FAM171A1: variants seen among roughly 807,000 people sequenced by gnomAD.
FAM171A1 encodes family with sequence similarity 171 member A1.
A neutral mutation model predicts 74.9 loss-of-function variants in FAM171A1; 23 were observed. That is an observed-to-expected ratio of 0.31 (90% CI 0.22 to 0.44). The LOEUF is 0.44. FAM171A1 is among the 20% of genes least tolerant of loss of function. The pLI, the probability that FAM171A1 is intolerant of heterozygous loss-of-function variation, is 1.00. For synonymous variants in FAM171A1, 527 were observed against 505.7 expected (o/e 1.04, Z -0.57); for missense variants, 1,162 against 1,159.2 (o/e 1.00, Z -0.03).
At chr10:15,307,697 GT>G (rs1264679610) in intron 1 of FAM171A1, among the ~76,000 whole-genome samples, 1 of 146,280 alleles carries the variant, frequency 6.8e-6, no homozygotes, top group African/African-American at 2.5e-5. Flanking sequence ...TCTCAAAACA[GT>G]TCTACCACCA....
chr10:15,215,367 G>T lies in FAM171A1; in HGVS notation c.986+629C>A, dbSNP rs535088125. Among the ~76,000 whole-genome samples the T allele has an allele frequency of 3.3e-5, 5 of 151,856 alleles. No homozygotes were observed. In the South Asian group the frequency reaches 1.0e-3, roughly 32 times the overall value. On this transcript the variant is annotated intron_variant, in intron 7 of 7. Transcript: ENST00000378116. The stretch of plus-strand genomic sequence containing the variant: ...CTAAACAGACACGGCATCTAAATAA[G>T]AATAATTTTTTTTTTTGAGATGGAG...
At chr10:15,247,389 A>G (rs1473122555) in intron 5 of FAM171A1, among the ~76,000 whole-genome samples, 1 of 151,926 alleles carries the variant, frequency 6.6e-6, no homozygotes, top group Non-Finnish European at 1.5e-5. Flanking sequence ...CTCCCGCCTC[A>G]GCCTCCCAAA....
chr10:15,292,104 G>A (rs1182015856), intron 1 of FAM171A1, among the ~76,000 whole-genome samples: 9 of 152,080 alleles, frequency 5.9e-5, no homozygotes, highest in Non-Finnish European at 4.4e-5. Flanking sequence ...CCTTTTCACT[G>A]CATCCTCACG....
chr10:15,225,936 C>T (rs1486176681), intron 5 of FAM171A1, among the ~76,000 whole-genome samples: 2 of 152,222 alleles, frequency 1.3e-5, no homozygotes, highest in Admixed American at 1.3e-4. Context: ...TGACAGACAA[C>T]AGTCCCTAAT....
intron 1 of FAM171A1, among the ~76,000 whole-genome samples, chr10:15,320,314 G>A (rs1208998575): frequency 2.6e-5 from 4 of 152,168 alleles, no homozygotes; most frequent in Non-Finnish European, 4.4e-5. Context: ...TCTTTTTAAC[G>A]GCTGCATAGT....
At chr10:15,231,067 G>T (rs1269168696) in intron 5 of FAM171A1, among the ~76,000 whole-genome samples, 2 of 152,232 alleles carry the variant, frequency 1.3e-5, no homozygotes, top group Non-Finnish European at 2.9e-5. Flanking sequence ...GAGAATAACT[G>T]AGCGTTCTCA....
Position 15,333,749 on chromosome 10 carries a change from T to C in FAM171A1, c.97+37207A>G, listed in dbSNP as rs141253961. On this transcript the variant is annotated intron_variant, in intron 1 of 7. Coordinates refer to ENST00000378116, the MANE Select transcript of FAM171A1 (RefSeq NM_001010924.2). ...TACTCAGGGGACTGTCATGGGAAGA[T>C]TGCTTGAGGCTGGGAGGCAGAGGTT... Among the ~76,000 whole-genome samples, 567 of 150,556 alleles carry C rather than the reference T, an allele frequency of 3.8e-3. 1 individual carries two copies. Among genetic ancestry groups the C allele is most frequent in the African/African-American group, 0.013 (542 of 40,862 alleles).
At chr10:15,368,200 T>C (rs971737850) in intron 1 of FAM171A1, among the ~76,000 whole-genome samples, 1 of 152,254 alleles carries the variant, frequency 6.6e-6, no homozygotes, top group Non-Finnish European at 1.5e-5. Flanking sequence ...GACTGTGGCA[T>C]TGGAAATCAC....
intron 1 of FAM171A1, among the ~76,000 whole-genome samples, chr10:15,364,540 T>C (rs1330476274): frequency 1.3e-5 from 2 of 152,136 alleles, no homozygotes; most frequent in Non-Finnish European, 2.9e-5. Context: ...TATTCACAGT[T>C]CTTAGGGGTT....
At chr10:15,290,626 T>C (rs1835091662) in intron 1 of FAM171A1, among the ~76,000 whole-genome samples, 1 of 152,082 alleles carries the variant, frequency 6.6e-6, no homozygotes, top group Admixed American at 6.6e-5. Context: ...TGAAGTGTCA[T>C]TCTGAACTGG....
intron 1 of FAM171A1, among the ~76,000 whole-genome samples, chr10:15,299,035 C>T (rs1175266083): frequency 6.6e-6 from 1 of 152,154 alleles, no homozygotes; most frequent in Non-Finnish European, 1.5e-5. Flanking sequence ...ATGCTCCTGC[C>T]TCAGACTCCT....
At chr10:15,373,263 C>A (rs563867609), upstream of FAM171A1, among the ~76,000 whole-genome samples, 1 of 152,278 alleles carries the variant, frequency 6.6e-6, no homozygotes, top group Admixed American at 6.5e-5. Flanking sequence ...GCTGGATTCC[C>A]TCCTTCTTCT....
chr10:15,226,858 G>GC (rs1318612248), intron 5 of FAM171A1, among the ~76,000 whole-genome samples: 1 of 151,402 alleles, frequency 6.6e-6, no homozygotes, highest in Non-Finnish European at 1.5e-5. Context: ...TATCAACTCT[G>GC]CTCCCCCACC....
chr10:15,225,743 G>A (rs560481126), intron 5 of FAM171A1, among the ~76,000 whole-genome samples: 4 of 152,002 alleles, frequency 2.6e-5, no homozygotes, highest in Non-Finnish European at 4.4e-5. Context: ...TGAGAGCCTC[G>A]GGCACTGCTG....
intron 6 of FAM171A1, among the ~76,000 whole-genome samples, chr10:15,216,959 A>T (rs1554831038): frequency 6.6e-6 from 1 of 152,156 alleles, no homozygotes; most frequent in Non-Finnish European, 1.5e-5. Context: ...CCTGTGACTT[A>T]AAAAAGTCAG....
intron 3 of FAM171A1, among the ~76,000 whole-genome samples, chr10:15,262,878 C>A (rs1032566570): frequency 4.6e-5 from 7 of 152,090 alleles, no homozygotes; most frequent in African/African-American, 1.7e-4. Context: ...ACTGCCATGT[C>A]CTCTTCGGAA....
intron 5 of FAM171A1, among the ~76,000 whole-genome samples, chr10:15,240,400 A>G (rs1376841141): frequency 1.3e-5 from 2 of 152,200 alleles, no homozygotes; most frequent in Admixed American, 6.5e-5. Flanking sequence ...GAGGGTCCAT[A>G]TAGCAATTAG....
At chr10:15,348,001 G>A (rs994346706) in intron 1 of FAM171A1, among the ~76,000 whole-genome samples, 8 of 151,926 alleles carry the variant, frequency 5.3e-5, no homozygotes, top group African/African-American at 1.2e-4. Context: ...CTTTTGAGAC[G>A]GGGTCTTGTT....
At chr10:15,289,991 A>T (rs1371353070) in intron 1 of FAM171A1, among the ~76,000 whole-genome samples, 1 of 152,178 alleles carries the variant, frequency 6.6e-6, no homozygotes, top group Non-Finnish European at 1.5e-5. Flanking sequence ...GCACTTTGGG[A>T]GGCCGAGGCG....
Sources: gnomAD v4.1 joint callset for allele counts (sites outside exome capture counted in the v4.1 genomes callset) on GRCh38, gnomAD v4.1.1 for gene constraint, MANE v1.5 for transcripts, NCBI Gene and HGNC (gene_info 2026-07-23, HGNC 2026-07-21) for gene names.